Variants in DAB1 observed in about 807,000 individuals in gnomAD.
DAB1 encodes the protein DAB adaptor protein 1.
DAB1 carries 15 observed loss-of-function variants against 64.6 expected under a neutral mutation model. The ratio of observed to expected loss-of-function variants is 0.23; its 90% confidence interval spans 0.16 to 0.36. The LOEUF is 0.36. Among genes scored for constraint, DAB1 ranks in the 10% least tolerant of loss-of-function variants. The pLI, the probability that DAB1 is intolerant of heterozygous loss-of-function variation, is 1.00. For missense variants in DAB1, 596 were observed against 706.7 expected, an observed-to-expected ratio of 0.84 and a Z score of 1.78; for synonymous variants, 235 against 251.9, an observed-to-expected ratio of 0.93 and a Z score of 0.64.
chr1:57,341,364 CACTCAGCAA>C (rs1309817371), intron 1 of DAB1, among the ~76,000 whole-genome samples: 2 of 152,196 alleles, frequency 1.3e-5, no homozygotes, highest in Admixed American at 1.3e-4. Flanking sequence ...TTAGTTTTAA[CACTCAGCAA>C]ACAAATCACA....
At chr1:57,069,216 G>T (rs2100588719) in intron 8 of DAB1, 144 bp downstream of exon 8, 1 of 660,702 alleles carries the variant, frequency 1.5e-6, no homozygotes. Context: ...CTGGTAAATT[G>T]CTGGGGAACT....
intron 7 of DAB1, among the ~76,000 whole-genome samples, chr1:57,485,644 C>G (rs1216805186): frequency 6.6e-6 from 1 of 152,176 alleles, no homozygotes; most frequent in Non-Finnish European, 1.5e-5. Flanking sequence ...TTTAGCACAA[C>G]ATGTGTGACT....
intron 2 of DAB1, among the ~76,000 whole-genome samples, chr1:57,187,956 G>A (rs1182069658): frequency 1.3e-5 from 2 of 152,158 alleles, no homozygotes; most frequent in Admixed American, 6.5e-5. Context: ...CCCACAAGGA[G>A]AGAGAGGTCC....
chr1:57,784,379 T>C (rs1179051496), intron 6 of DAB1, among the ~76,000 whole-genome samples: 2 of 152,084 alleles, frequency 1.3e-5, no homozygotes, highest in Non-Finnish European at 2.9e-5. Flanking sequence ...GGTGTTGAAG[T>C]GAGATCCAGT....
At chr1:57,225,007 T>C (rs1209911285) in intron 2 of DAB1, among the ~76,000 whole-genome samples, 1 of 152,218 alleles carries the variant, frequency 6.6e-6, no homozygotes, top group Non-Finnish European at 1.5e-5. Flanking sequence ...AGGAGCTTCT[T>C]GGATGGTTAA....
At chr1:57,226,672 A>ATATATATATATATATATATATATAT (rs1553158266) in intron 2 of DAB1, among the ~76,000 whole-genome samples, 6 of 135,998 alleles carry the variant, frequency 4.4e-5, no homozygotes, top group African/African-American at 1.9e-4. Context: ...TTAAAAAAAA[A>ATATATATATATATATATATATATAT]ATATATATAT....
chr1:58,458,663 G>A (rs2100307114), intron 3 of DAB1, among the ~76,000 whole-genome samples: 1 of 152,232 alleles, frequency 6.6e-6, no homozygotes, highest in Non-Finnish European at 1.5e-5. Context: ...AATTAGCTGG[G>A]CATGGTGGTG....
chr1:56,997,898 CTT>C lies in DAB1; in HGVS notation c.*244_*245del. On this transcript the variant is annotated 3_prime_UTR_variant, in exon 15 of 15. Transcript: ENST00000371236. ...TTAATGTTGGGTGGATCTTTCTATACTTTTTTTGTGTGCTGCCATAGATATCT... is the reference window on the plus strand; with the variant it reads ...TTAATGTTGGGTGGATCTTTCTATACTTTTTGTGTGCTGCCATAGATATCT... The C allele has an allele frequency of 6.6e-6, 1 of 152,484 alleles. No individual in the cohort carries two copies. The highest frequency in any genetic ancestry group is 1.5e-5 in the Non-Finnish European group (1 of 68,026). The allele number at this position is 152,484 out of a possible 1,614,324, so 9.4% of individuals were successfully genotyped here. A position where few individuals can be genotyped will look rare whatever the true frequency, so the allele number is the denominator to read the frequency against.
intron 2 of DAB1, among the ~76,000 whole-genome samples, chr1:57,249,667 C>T (rs1384786089): frequency 1.3e-5 from 2 of 152,306 alleles, no homozygotes; most frequent in South Asian, 2.1e-4. Flanking sequence ...CCACCACACC[C>T]AGCCTCAACC....
chr1:58,130,180 T>C lies in DAB1; in HGVS notation n.387+20331A>G, dbSNP rs11525196. Among the ~76,000 whole-genome samples the C allele has an allele frequency of 3.8e-4, 56 of 147,618 alleles. 1 individual carries two copies. The highest frequency in any genetic ancestry group is 2.8e-3 in the East Asian group (14 of 4,928). ...TATATATTTAGGATAGTTAGCTCTT[T>C]TTGTTGAATTGATCCCTTTACCATT... is the stretch of plus-strand genomic sequence containing the variant. On this transcript the variant is annotated intron_variant and non_coding_transcript_variant, in intron 5 of 20. Transcript: ENST00000485760.
intron 2 of DAB1, among the ~76,000 whole-genome samples, chr1:57,208,648 ATAAT>A (rs1665776075): frequency 6.6e-6 from 1 of 152,240 alleles, no homozygotes; most frequent in African/African-American, 2.4e-5. Flanking sequence ...ATTTTTTAAA[ATAAT>A]GAATCCATTC....
chr1:57,281,159 G>GA (rs1231689946), intron 2 of DAB1, among the ~76,000 whole-genome samples: 5 of 152,090 alleles, frequency 3.3e-5, no homozygotes, highest in Non-Finnish European at 4.4e-5. Flanking sequence ...TAAAGTGGCT[G>GA]AAAAAACAGA....
At chr1:57,947,296 C>T (rs1031087024) in intron 5 of DAB1, among the ~76,000 whole-genome samples, 5 of 152,074 alleles carry the variant, frequency 3.3e-5, no homozygotes, top group African/African-American at 1.2e-4. Flanking sequence ...CAGTCCAGTG[C>T]CCAAAATCCC....
chr1:58,494,616 A>G (rs1269930765), intron 3 of DAB1, among the ~76,000 whole-genome samples: 1 of 152,182 alleles, frequency 6.6e-6, no homozygotes, highest in Non-Finnish European at 1.5e-5. Context: ...AAGGATATGA[A>G]CAGACACTTC....
At chr1:58,097,078 T>C (rs1272163107) in intron 5 of DAB1, among the ~76,000 whole-genome samples, 1 of 152,232 alleles carries the variant, frequency 6.6e-6, no homozygotes, top group African/African-American at 2.4e-5. Flanking sequence ...CACAGTTATT[T>C]GTTGAGGGCC....
intron 5 of DAB1, among the ~76,000 whole-genome samples, chr1:58,088,910 A>T (rs1650477249): frequency 6.6e-6 from 1 of 152,188 alleles, no homozygotes; most frequent in East Asian, 1.9e-4. Context: ...ATCAGGAAGG[A>T]CTTCCCTGTG....
chr1:57,573,237 C>T (rs999908867), intron 7 of DAB1, among the ~76,000 whole-genome samples: 1 of 151,956 alleles, frequency 6.6e-6, no homozygotes, highest in Non-Finnish European at 1.5e-5. Flanking sequence ...CAGGTGTATA[C>T]CATCACACCT....
At chr1:57,097,872 G>A (rs935825100) in intron 4 of DAB1, among the ~76,000 whole-genome samples, 3 of 152,060 alleles carry the variant, frequency 2.0e-5, no homozygotes, top group Non-Finnish European at 2.9e-5. Context: ...CCGCCTCCCG[G>A]GTTCATGCCA....
At chr1:57,235,426 C>CT (rs1668020705) in intron 2 of DAB1, among the ~76,000 whole-genome samples, 1 of 152,124 alleles carries the variant, frequency 6.6e-6, no homozygotes, top group African/African-American at 2.4e-5. Flanking sequence ...GATAATGTAC[C>CT]TAATGGGCCT....
Sources: gnomAD v4.1 joint callset for allele counts (sites outside exome capture counted in the v4.1 genomes callset) on GRCh38, gnomAD v4.1.1 for gene constraint, MANE v1.5 for transcripts, NCBI Gene and HGNC (gene_info 2026-07-23, HGNC 2026-07-21) for gene names.